Variants in PHYHIPL observed in about 807,000 individuals in gnomAD.
The protein encoded by PHYHIPL is phytanoyl-CoA hydroxylase-interacting protein-like.
PHYHIPL carries 9 observed loss-of-function variants against 33.4 expected under a neutral mutation model. That is an observed-to-expected ratio of 0.27 (90% CI 0.16 to 0.47). The LOEUF (loss-of-function observed/expected upper bound fraction) is 0.47, where lower values mean the gene tolerates loss of function less well. PHYHIPL is among the 20% of genes least tolerant of loss of function. The pLI, the probability that PHYHIPL is intolerant of heterozygous loss-of-function variation, is 0.99. For missense variants in PHYHIPL, 365 were observed against 460.7 expected, an observed-to-expected ratio of 0.79 and a Z score of 1.90; for synonymous variants, 153 against 154.1, an observed-to-expected ratio of 0.99 and a Z score of 0.05.
At chr10:59,189,047 A>C (rs1460336093) in intron 1 of PHYHIPL, among the ~76,000 whole-genome samples, 1 of 152,116 alleles carries the variant, frequency 6.6e-6, no homozygotes, top group Non-Finnish European at 1.5e-5. Flanking sequence ...AACTTTGAGA[A>C]ATATGTATAA....
chr10:59,197,156 G>A (rs1344495942), intron 1 of PHYHIPL, among the ~76,000 whole-genome samples: 1 of 151,962 alleles, frequency 6.6e-6, no homozygotes, highest in African/African-American at 2.4e-5. Context: ...GACCTTCAGG[G>A]GCATTCTTCA....
intron 4 of PHYHIPL, 142 bp from the exon 5 acceptor site, chr10:59,244,915 A>C: frequency 1.2e-6 from 1 of 812,182 alleles, no homozygotes; most frequent in Admixed American, 3.2e-5. Flanking sequence ...ATATGTCAAA[A>C]GATGTTGTCC....
At chr10:59,205,282 G>A (rs1451283840) in intron 1 of PHYHIPL, among the ~76,000 whole-genome samples, 1 of 152,106 alleles carries the variant, frequency 6.6e-6, no homozygotes, top group Non-Finnish European at 1.5e-5. Context: ...TTTCTCATGT[G>A]ACATTCTAGA....
At chr10:59,219,436 C>T (rs1474155269) in intron 1 of PHYHIPL, among the ~76,000 whole-genome samples, 1 of 152,124 alleles carries the variant, frequency 6.6e-6, no homozygotes, top group Non-Finnish European at 1.5e-5. Flanking sequence ...ACTGACTAGT[C>T]TCTATTTGCA....
intron 4 of PHYHIPL, among the ~76,000 whole-genome samples, chr10:59,239,405 A>G (rs1027003871): frequency 6.6e-6 from 1 of 151,968 alleles, no homozygotes; most frequent in Non-Finnish European, 1.5e-5. Flanking sequence ...TGAGAACAGC[A>G]CAGGAAAGAT....
intron 1 of PHYHIPL, among the ~76,000 whole-genome samples, chr10:59,186,228 T>A (rs548438317): frequency 6.6e-6 from 1 of 152,344 alleles, no homozygotes; most frequent in East Asian, 1.9e-4. Context: ...AGGGAATCCT[T>A]TCCCCATGGC....
chr10:59,234,739 T>A (rs1840174056), intron 2 of PHYHIPL, among the ~76,000 whole-genome samples: 1 of 151,882 alleles, frequency 6.6e-6, no homozygotes, highest in African/African-American at 2.4e-5. Flanking sequence ...ATGACTATCA[T>A]CTAGATGTAA....
Position 59,247,447 on chromosome 10 carries a change from C to T in PHYHIPL, c.*1856C>T, listed in dbSNP as rs1840812744. 2.5e-6 allele frequency: 2 copies of T among 793,798 alleles called. No individual in the cohort carries two copies. The highest frequency in any genetic ancestry group is 4.0e-6 in the Non-Finnish European group (2 of 498,866). The allele number at this position is 793,798 out of a possible 1,614,324, so 49.2% of individuals were successfully genotyped here. A position where few individuals can be genotyped will look rare whatever the true frequency, so the allele number is the denominator to read the frequency against. On this transcript the variant is annotated 3_prime_UTR_variant, in exon 5 of 5. Transcript: ENST00000373880. Reference sequence around the variant, plus strand: ...TGTATTCTTCCCCCCGTTTAAATCCCTTCTCCTTGTATATAATTAAACTTG... The same window carrying T: ...TGTATTCTTCCCCCCGTTTAAATCCTTTCTCCTTGTATATAATTAAACTTG...
chr10:59,177,391 A>C, intron 1 of PHYHIPL: 1 of 1,349,414 alleles, frequency 7.4e-7, no homozygotes, highest in African/African-American at 1.5e-5. Flanking sequence ...TCTCTTCCAG[A>C]AACTTATCAT....
intron 1 of PHYHIPL, among the ~76,000 whole-genome samples, chr10:59,199,971 T>C (rs1839047900): frequency 6.6e-6 from 1 of 152,046 alleles, no homozygotes. Flanking sequence ...GACGATGGGG[T>C]TTTCTAGATG....
At chr10:59,188,397 A>G (rs973507325) in intron 1 of PHYHIPL, among the ~76,000 whole-genome samples, 6 of 152,118 alleles carry the variant, frequency 3.9e-5, no homozygotes, top group Non-Finnish European at 5.9e-5. Context: ...TATGTGGTTA[A>G]TTTTGGAATA....
intron 1 of PHYHIPL, among the ~76,000 whole-genome samples, chr10:59,199,784 T>A (rs1839041666): frequency 2.0e-5 from 3 of 152,292 alleles, no homozygotes; most frequent in South Asian, 4.1e-4. Flanking sequence ...CCCTTGTAAG[T>A]TGGATTCCTA....
intron 1 of PHYHIPL, among the ~76,000 whole-genome samples, chr10:59,187,271 G>A (rs1320678340): frequency 2.0e-5 from 3 of 152,138 alleles, no homozygotes; most frequent in Non-Finnish European, 1.5e-5. Context: ...TACGTTTATT[G>A]ATTTGCGTAT....
chr10:59,228,816 G>T (rs973289974), intron 1 of PHYHIPL, among the ~76,000 whole-genome samples: 2 of 152,060 alleles, frequency 1.3e-5, no homozygotes, highest in Non-Finnish European at 2.9e-5. Context: ...CATTACCTTT[G>T]CAAACACTCT....
intron 1 of PHYHIPL, among the ~76,000 whole-genome samples, chr10:59,185,202 G>A (rs1290657664): frequency 1.3e-5 from 2 of 151,750 alleles, no homozygotes; most frequent in East Asian, 3.9e-4. Flanking sequence ...GTTTTAGCCG[G>A]GATGGTCTCG....
intron 1 of PHYHIPL, among the ~76,000 whole-genome samples, chr10:59,212,284 G>T (rs1271649356): frequency 6.6e-6 from 1 of 152,156 alleles, no homozygotes; most frequent in Non-Finnish European, 1.5e-5. Flanking sequence ...CAGGTATTCT[G>T]TTATAAGCAA....
chr10:59,201,276 T>C (rs1289702926), intron 1 of PHYHIPL, among the ~76,000 whole-genome samples: 2 of 152,224 alleles, frequency 1.3e-5, no homozygotes, highest in Non-Finnish European at 2.9e-5. Context: ...CTCATTGGTT[T>C]CAAAGAACAT....
intron 1 of PHYHIPL, among the ~76,000 whole-genome samples, chr10:59,205,057 G>C (rs1839249026): frequency 6.6e-6 from 1 of 152,116 alleles, no homozygotes; most frequent in Non-Finnish European, 1.5e-5. Context: ...GTTTTGCCAT[G>C]TTGGCCAGGT....
At chr10:59,237,497 A>AAACTT (rs1190150687) in intron 3 of PHYHIPL, among the ~76,000 whole-genome samples, 1 of 151,956 alleles carries the variant, frequency 6.6e-6, no homozygotes, top group Non-Finnish European at 1.5e-5. Context: ...AATCTACAAG[A>AAACTT]AACTTAAGCT....
Sources: gnomAD v4.1 joint callset for allele counts (sites outside exome capture counted in the v4.1 genomes callset) on GRCh38, gnomAD v4.1.1 for gene constraint, MANE v1.5 for transcripts, NCBI Gene and HGNC (gene_info 2026-07-23, HGNC 2026-07-21) for gene names.